ARFRP1: variants seen among roughly 807,000 people sequenced by gnomAD.
ARFRP1 encodes the protein ARF related protein 1.
Under a neutral mutation model 30.3 loss-of-function variants are expected in ARFRP1, and 19 were observed. The observed-to-expected ratio is 0.63, with a 90% CI of 0.44 to 0.92. The LOEUF is 0.92. Among genes scored for constraint, ARFRP1 ranks in the 40% least tolerant of loss-of-function variants. The pLI is 0.00. For missense variants in ARFRP1, 245 were observed against 267.5 expected, an observed-to-expected ratio of 0.92 and a Z score of 0.59; for synonymous variants, 133 against 114.2, an observed-to-expected ratio of 1.16 and a Z score of -1.05.
intron 4 of ARFRP1, 159 bp from the exon 5 acceptor site, chr20:63,702,376 G>A (rs1212213581): frequency 5.6e-5 from 38 of 677,716 alleles, no homozygotes; most frequent in Non-Finnish European, 8.0e-5. Context: ...CTGGGGTTGC[G>A]GGGAGATCTG....
chr20:63,707,707 C>G lies in ARFRP1; in HGVS notation c.-7+160G>C, dbSNP rs6062498. 0.69 allele frequency: 104,877 copies of G among 152,102 alleles called. 36,503 individuals are homozygous for G. The highest frequency in any genetic ancestry group is 0.74 in the Middle Eastern group (215 of 292). 9.4% of individuals were successfully genotyped at this position (152,102 alleles called of 1,614,324 possible). A position where few individuals can be genotyped will look rare whatever the true frequency, so the allele number is the denominator to read the frequency against. On this transcript the variant is annotated intron_variant, in intron 1 of 7. Coordinates refer to ENST00000622789, the MANE Select transcript of ARFRP1 (RefSeq NM_001267547.3). ...CAGGGAACGACTGCGAAGGAAGAAC[C>G]TGGGTCGCGGCCCCCGGCTACGTCC... is the stretch of plus-strand genomic sequence containing the variant.
At chr20:63,703,524 G>A (rs1476999014) in intron 4 of ARFRP1, 2 of 152,418 alleles carry the variant, frequency 1.3e-5, no homozygotes, top group African/African-American at 2.4e-5. Flanking sequence ...CTGGCCTACA[G>A]ACAGGTCCCA....
At position 63,700,646 on chromosome 20, in the gene ARFRP1, G is replaced by A. The variant is rs756142438; in HGVS notation, c.474C>T (p.Ile158=). ...CCTGGGTCAGGCAATCTCGCCTGCC[G>A]ATCTTGCTGGTGCAGTCGCTGAAGG... The part of the protein sequence containing the change: ...KTAFSDCTSK[I]GRRDCLTQAC... Residue 158 remains isoleucine (I), a synonymous_variant, in exon 7 of 8, where the codon ATC becomes ATT. Coordinates refer to ENST00000622789, the MANE Select transcript of ARFRP1 (RefSeq NM_001267547.3). 164 of 1,610,800 alleles carry A rather than the reference G, an allele frequency of 1.0e-4. 1 individual carries two copies. Among genetic ancestry groups the A allele is most frequent in the Admixed American group, 6.5e-4 (39 of 59,986 alleles).
In ARFRP1 at chr20:63,700,308, T is replaced by C. The variant is rs1292193497; in HGVS notation, c.*135A>G. 2.3e-5 allele frequency: 30 copies of C among 1,318,650 alleles called. No individual in the cohort carries two copies. The highest frequency in any genetic ancestry group is 2.7e-4 in the Middle Eastern group (1 of 3,740). 81.7% of individuals were successfully genotyped at this position (1,318,650 alleles called of 1,614,324 possible). A position where few individuals can be genotyped will look rare whatever the true frequency, so the allele number is the denominator to read the frequency against. On this transcript the variant is annotated 3_prime_UTR_variant, in exon 8 of 8. Coordinates refer to ENST00000622789, the MANE Select transcript of ARFRP1 (RefSeq NM_001267547.3). ...TTCCAGACATAGAGGAAAGTTTGTC[T>C]TCGAGAAAACAAAGTAAATAGAAGA...
Position 63,700,339 on chromosome 20 carries a change from A to G in ARFRP1, c.*104T>C, listed in dbSNP as rs1177917299. 40 of 1,512,068 alleles carry G rather than the reference A, an allele frequency of 2.6e-5. No individual in the cohort carries two copies. The highest frequency in any genetic ancestry group is 3.3e-5 in the Non-Finnish European group (37 of 1,116,260). 93.7% of individuals were successfully genotyped at this position (1,512,068 alleles called of 1,614,324 possible). Reference sequence around the variant, plus strand: ...AAAACAAAGTAAATAGAAGAACCCCAAAGCAAAGCAAACCCACCCCCCAGA... The same window carrying G: ...AAAACAAAGTAAATAGAAGAACCCCGAAGCAAAGCAAACCCACCCCCCAGA... On this transcript the variant is annotated 3_prime_UTR_variant, in exon 8 of 8. Coordinates refer to ENST00000622789, the MANE Select transcript of ARFRP1 (RefSeq NM_001267547.3).
In ARFRP1 at chr20:63,699,061, C is replaced by G. The variant is rs1323630689; in HGVS notation, c.*1382G>C. 1 of 152,630 alleles carries G rather than the reference C, an allele frequency of 6.6e-6. No individual in the cohort carries two copies. The highest frequency in any genetic ancestry group is 1.9e-4 in the East Asian group (1 of 5,268). 9.5% of individuals were successfully genotyped at this position (152,630 alleles called of 1,614,324 possible). On this transcript the variant is annotated 3_prime_UTR_variant, in exon 8 of 8. Transcript: ENST00000622789. Reference sequence around the variant, plus strand: ...AAAGACCTCCTCCAGGCCTCCCATGCTTTCCGGGAAGTGAAGCTTCTCCCT... The same window carrying G: ...AAAGACCTCCTCCAGGCCTCCCATGGTTTCCGGGAAGTGAAGCTTCTCCCT...
intron 1 of ARFRP1, 47 bp from the exon 2 acceptor site, chr20:63,707,144 C>A: frequency 6.6e-7 from 1 of 1,511,568 alleles, no homozygotes; most frequent in South Asian, 1.2e-5. Context: ...AGCACCTCCC[C>A]TCCCCCGGGC....
chr20:63,700,707 G>A lies in ARFRP1; in HGVS notation c.418-5C>T. ...GTCAGGGATTGAGAGGCACGTCTGG[G>A]GGAGGTAAGGCCGTGAGGAGCAGCC... On this transcript the variant is annotated splice_polypyrimidine_tract_variant and splice_region_variant and intron_variant, in intron 6 of 7. Coordinates refer to ENST00000622789, the MANE Select transcript of ARFRP1 (RefSeq NM_001267547.3). 2 of 1,610,232 alleles carry A rather than the reference G, an allele frequency of 1.2e-6. No individual in the cohort carries two copies. Among genetic ancestry groups the A allele is most frequent in the Non-Finnish European group, 1.7e-6 (2 of 1,179,742 alleles).
At chr20:63,701,370 G>A (rs933794133) in intron 6 of ARFRP1, 2 of 539,170 alleles carry the variant, frequency 3.7e-6, no homozygotes, top group East Asian at 5.3e-5. Context: ...GTGCTCCCGG[G>A]GGCAGTGGCA....
At chr20:63,706,205 G>A (rs888278127) in intron 4 of ARFRP1, 152 bp downstream of exon 4, 6 of 730,680 alleles carry the variant, frequency 8.2e-6, no homozygotes, top group African/African-American at 7.0e-5. Flanking sequence ...GACAAAACAG[G>A]GAGCCACTCG....
At chr20:63,701,998 G>GCCACCCCCCCCCCCC in intron 5 of ARFRP1, 98 bp from the exon 6 acceptor site, 1 of 583,916 alleles carries the variant, frequency 1.7e-6, no homozygotes, top group South Asian at 2.1e-5. Flanking sequence ...CACTCCCTCT[G>GCCACCCCCCCCCCCC]CCCCCCCCCC....
chr20:63,703,930 G>A (rs568901281), intron 4 of ARFRP1: 16 of 152,802 alleles, frequency 1.0e-4, no homozygotes, highest in African/African-American at 3.8e-4. Flanking sequence ...AGGGGGAAGA[G>A]GGAGGTGTCC....
In ARFRP1 at chr20:63,699,229, G is replaced by C. The variant is rs540518253; in HGVS notation, c.*1214C>G. On this transcript the variant is annotated 3_prime_UTR_variant, in exon 8 of 8. Transcript: ENST00000622789. ...GGAACCAACCTGCAGAACACACACA[G>C]GGTCCCCTGGAGAGGACGCGGGGAC... 2 of 152,306 alleles carry C rather than the reference G, an allele frequency of 1.3e-5. No individual in the cohort carries two copies. Among genetic ancestry groups the C allele is most frequent in the East Asian group, 1.9e-4 (1 of 5,226 alleles). 9.4% of individuals were successfully genotyped at this position (152,306 alleles called of 1,614,324 possible). A position where few individuals can be genotyped will look rare whatever the true frequency, so the allele number is the denominator to read the frequency against.
At chr20:63,700,818 AC>A in intron 6 of ARFRP1, 116 bp from the exon 7 acceptor site, 1 of 1,390,076 alleles carries the variant, frequency 7.2e-7, no homozygotes. Flanking sequence ...CCAGAGCTCC[AC>A]CAGGGTCCCA....
chr20:63,707,225 G>A, intron 1 of ARFRP1, 128 bp from the exon 2 acceptor site: 2 of 744,166 alleles, frequency 2.7e-6, no homozygotes, highest in Non-Finnish European at 2.2e-6. Context: ...GGCCATTCCC[G>A]ACTCCTCGTC....
chr20:63,701,998 G>GGCCCCCCCCCCCCCCCCCCC, intron 5 of ARFRP1, 98 bp from the exon 6 acceptor site: 2 of 583,916 alleles, frequency 3.4e-6, no homozygotes, highest in Non-Finnish European at 2.6e-6. Flanking sequence ...CACTCCCTCT[G>GGCCCCCCCCCCCCCCCCCCC]CCCCCCCCCC....
chr20:63,702,484 G>A (rs2091263472), intron 4 of ARFRP1: 1 of 498,526 alleles, frequency 2.0e-6, no homozygotes, highest in Non-Finnish European at 3.6e-6. Flanking sequence ...CAGGCGTGGT[G>A]GCTCACACTT....
chr20:63,702,229 C>G lies in ARFRP1; in HGVS notation c.265-12G>C. ...CACTCCGCATAATACTGGGAGGAAG[C>G]ACCAGGAGTTGGGGCTCAGTCCCCA... On this transcript the variant is annotated splice_polypyrimidine_tract_variant and intron_variant, in intron 4 of 7. Transcript: ENST00000622789. 1.2e-6 allele frequency: 2 copies of G among 1,610,348 alleles called. No homozygotes were observed. Among genetic ancestry groups the G allele is most frequent in the Non-Finnish European group, 1.7e-6 (2 of 1,178,672 alleles).
chr20:63,700,888 G>C, intron 6 of ARFRP1, 186 bp from the exon 7 acceptor site: 1 of 751,228 alleles, frequency 1.3e-6, no homozygotes, highest in Non-Finnish European at 2.1e-6. Context: ...GGCTGAACAT[G>C]GCTGGTAGTG....
Sources: allele counts gnomAD v4.1 joint callset, GRCh38; gene constraint gnomAD v4.1.1; transcripts MANE v1.5; gene names NCBI Gene and HGNC (gene_info 2026-07-23, HGNC 2026-07-21).